VWF: variants seen among roughly 807,000 people sequenced by gnomAD.
VWF encodes Factor VIII related antigen.
VWF carries 176 observed loss-of-function variants against 308.6 expected under a neutral mutation model. The ratio of observed to expected loss-of-function variants is 0.57; its 90% CI spans 0.50 to 0.65. The LOEUF (loss-of-function observed/expected upper bound fraction) is 0.65, where lower values mean the gene tolerates loss of function less well. VWF is among the 30% of genes least tolerant of loss of function. VWF has a pLI of 0.00. For missense variants in VWF, 3,146 were observed against 3,648.2 expected (o/e 0.86, Z 3.55); for synonymous variants, 1,385 against 1,443.4 (o/e 0.96, Z 0.92).
At chr12:6,092,232 G>A (rs1200221599) in intron 6 of VWF, among the ~76,000 whole-genome samples, 2 of 152,118 alleles carry the variant, frequency 1.3e-5, no homozygotes, top group Non-Finnish European at 2.9e-5. Context: ...ATGATAGGAT[G>A]GGAGGTTGAA....
chr12:6,107,940 G>C (rs535315862), intron 5 of VWF, among the ~76,000 whole-genome samples: 86 of 151,890 alleles, frequency 5.7e-4, no homozygotes, highest in Non-Finnish European at 1.1e-3. Flanking sequence ...TGACAGGCTT[G>C]AGCCACCGCA....
rs142923882 is a variant in VWF, at chr12:5,991,705, G to C, written c.6798+114C>G. 8.4e-5 allele frequency: 97 copies of C among 1,149,810 alleles called. No individual in the cohort carries two copies. In the African/African-American group the frequency reaches 1.2e-3, roughly 15 times the overall value. 71.2% of individuals were successfully genotyped at this position (1,149,810 alleles called of 1,614,324 possible). A position where few individuals can be genotyped will look rare whatever the true frequency, so the allele number is the denominator to read the frequency against. On this transcript the variant is annotated intron_variant, in intron 38 of 51. Transcript: ENST00000261405. ...TGCCTCCCTATCCCTAATGATCCCC[G>C]TAAGAGTCAACCCTGCTGCCACAGT... is the stretch of plus-strand genomic sequence containing the variant.
Position 5,949,100 on chromosome 12 carries a change from A to G in VWF, c.8357T>C (p.Leu2786Pro). The stretch of plus-strand genomic sequence containing the variant: ...CACAACAGAGCCATTGGTGCAGTGC[A>G]GGGCCACCTGCATGGGCTCCGTCCG... ...PTRTEPMQVA[L>P]HCTNGSVVYH... is the part of the protein sequence containing the mutation. The change falls in exon 52 of 52, where the codon CTG becomes CCG. Residue 2786 changes from leucine (L) to proline (P), a missense_variant. Leu to Pro is a moderately conservative substitution (Grantham distance 98, BLOSUM62 -3). Coordinates refer to ENST00000261405, the MANE Select transcript of VWF (RefSeq NM_000552.5). 1.2e-6 allele frequency: 2 copies of G among 1,614,248 alleles called. No individual in the cohort carries two copies. The highest frequency in any genetic ancestry group is 1.7e-6 in the Non-Finnish European group (2 of 1,180,024).
At chr12:6,055,641 G>C (rs867233908) in intron 15 of VWF, among the ~76,000 whole-genome samples, 2 of 152,008 alleles carry the variant, frequency 1.3e-5, no homozygotes, top group Non-Finnish European at 2.9e-5. Context: ...ACCCAAAATA[G>C]TAGCACTTCT....
intron 35 of VWF, among the ~76,000 whole-genome samples, chr12:5,995,009 A>T (rs1943793663): frequency 6.6e-6 from 1 of 152,114 alleles, no homozygotes; most frequent in South Asian, 2.1e-4. Flanking sequence ...CTTTGAATGC[A>T]AGGACATTTT....
chr12:5,965,169 G>T (rs927115223), intron 47 of VWF, among the ~76,000 whole-genome samples: 14 of 152,178 alleles, frequency 9.2e-5, no homozygotes, highest in African/African-American at 3.4e-4. Flanking sequence ...CTTCTCAGGA[G>T]CAGCCTCTTC....
intron 5 of VWF, among the ~76,000 whole-genome samples, chr12:6,103,399 CGT>C (rs772056069): frequency 0.057 from 6,826 of 120,572 alleles, 1,165 homozygotes; most frequent in African/African-American, 0.25. Flanking sequence ...TGTGTATACA[CGT>C]GTGTGTATAC....
At chr12:6,100,290 G>A (rs2136506513) in intron 5 of VWF, among the ~76,000 whole-genome samples, 1 of 149,168 alleles carries the variant, frequency 6.7e-6, no homozygotes, top group African/African-American at 2.5e-5. Context: ...TTACACTGTT[G>A]GTGGGACTGT....
At chr12:5,960,178 A>C (rs560696554) in intron 47 of VWF, among the ~76,000 whole-genome samples, 2 of 151,380 alleles carry the variant, frequency 1.3e-5, no homozygotes, top group Admixed American at 6.6e-5. Flanking sequence ...GAAATAATAG[A>C]AGGTTTACAA....
intron 5 of VWF, among the ~76,000 whole-genome samples, chr12:6,103,611 GAGAT>G (rs1233895324): frequency 6.6e-6 from 1 of 150,918 alleles, no homozygotes; most frequent in Non-Finnish European, 1.5e-5. Flanking sequence ...TAGACACCCA[GAGAT>G]AGAGCCAGTT....
At position 6,024,126 on chromosome 12, in the gene VWF, T is replaced by C. The variant is rs897557852; in HGVS notation, c.3223-339A>G. ...TCCTCACAACCCACTCTTAGCCTCA[T>C]GAGCATGTGGGTGCTTTTACAAAAA... is the stretch of plus-strand genomic sequence containing the variant. On this transcript the variant is annotated intron_variant, in intron 24 of 51. Transcript: ENST00000261405. The surrounding 1 kb of genome is among the most constrained non-coding windows in gnomAD (Gnocchi z 4.0). 2.0e-5 allele frequency among the ~76,000 whole-genome samples: 3 copies of C among 152,220 alleles called. No homozygotes were observed. The highest frequency in any genetic ancestry group is 2.9e-5 in the Non-Finnish European group (2 of 68,044).
chr12:6,034,869 G>A, intron 19 of VWF, 43 bp from the exon 20 acceptor site: 1 of 1,610,690 alleles, frequency 6.2e-7, no homozygotes, highest in Non-Finnish European at 8.5e-7. Flanking sequence ...GGCACCTTGG[G>A]TTTGAGGGGC....
Position 6,011,662 on chromosome 12 carries a change from G to A in VWF, c.5797C>T (p.Pro1933Ser), listed in dbSNP as rs372572865. Residue 1933 changes from proline (P) to serine (S), a missense_variant, in exon 34 of 52, where the codon CCT (proline) becomes TCT (serine). Coordinates refer to ENST00000261405, the MANE Select transcript of VWF (RefSeq NM_000552.5). ...CCACAGGTCTCTTCCACTTTAACAG[G>A]GGACTGGCTGTTAGGGCACGAAGGC... ...LRPSCPNSQS[P>S]VKVEETCGCR... 6.2e-7 allele frequency: 1 copy of A among 1,613,396 alleles called. No homozygotes were observed. Among genetic ancestry groups the A allele is most frequent in the African/African-American group, 1.3e-5 (1 of 74,930 alleles).
chr12:6,063,334 C>G lies in VWF; in HGVS notation c.1433-280G>C, dbSNP rs1370464639. ...TGCCACAGGAGGGAGGCAGAGGCTC[C>G]TGCATCCTGGGCTGTAGGCAGGTGC... On this transcript the variant is annotated intron_variant, in intron 12 of 51. Coordinates refer to ENST00000261405, the MANE Select transcript of VWF (RefSeq NM_000552.5). This position sits in a 1 kb window ranked among gnomAD's most constrained non-coding sequence, Gnocchi z 4.9. 6.6e-6 allele frequency among the ~76,000 whole-genome samples: 1 copy of G among 152,162 alleles called. No homozygotes were observed. Among genetic ancestry groups the G allele is most frequent in the Non-Finnish European group, 1.5e-5 (1 of 68,024 alleles).
rs1279071719 is a variant in VWF, at chr12:6,123,206, A to C, written c.1-10T>G. On this transcript the variant is annotated splice_polypyrimidine_tract_variant and intron_variant, in intron 1 of 51. Transcript: ENST00000261405. ...ATCTGGCAGGAATCATCTGCAAAGA[A>C]GCAAGAGACGTGAGCTGGTCATTGC... 2 of 1,614,238 alleles carry C rather than the reference A, an allele frequency of 1.2e-6. No individual in the cohort carries two copies. Among genetic ancestry groups the C allele is most frequent in the Admixed American group, 3.3e-5 (2 of 60,032 alleles).
chr12:5,973,931 G>T (rs1392612810), intron 43 of VWF, among the ~76,000 whole-genome samples: 1 of 152,120 alleles, frequency 6.6e-6, no homozygotes, highest in Non-Finnish European at 1.5e-5. Context: ...ATCGCCTGAG[G>T]CCCGCTTAGA....
chr12:6,024,140 C>T lies in VWF; in HGVS notation c.3223-353G>A, dbSNP rs4021562. ...TCTTAGCCTCATGAGCATGTGGGTGCTTTTACAAAAACACAAACACACATA... is the reference window on the plus strand; with the variant it reads ...TCTTAGCCTCATGAGCATGTGGGTGTTTTTACAAAAACACAAACACACATA... On this transcript the variant is annotated intron_variant, in intron 24 of 51. Coordinates refer to ENST00000261405, the MANE Select transcript of VWF (RefSeq NM_000552.5). The surrounding 1 kb of genome is among the most constrained non-coding windows in gnomAD (Gnocchi z 4.0). Among the ~76,000 whole-genome samples the T allele has an allele frequency of 6.6e-6, 1 of 152,204 alleles. No individual in the cohort carries two copies.
intron 38 of VWF, among the ~76,000 whole-genome samples, chr12:5,989,962 A>C (rs751879498): frequency 1.6e-4 from 24 of 152,372 alleles, no homozygotes; most frequent in Non-Finnish European, 2.9e-4. Flanking sequence ...GCAGGAGCTC[A>C]GGAGCTATAC....
chr12:5,983,260 G>C lies in VWF; in HGVS notation c.6977-6C>G. 2 of 1,613,600 alleles carry C rather than the reference G, an allele frequency of 1.2e-6. No individual in the cohort carries two copies. The highest frequency in any genetic ancestry group is 2.2e-5 in the South Asian group (2 of 90,986). On this transcript the variant is annotated splice_polypyrimidine_tract_variant and splice_region_variant and intron_variant, in intron 40 of 51. Coordinates refer to ENST00000261405, the MANE Select transcript of VWF (RefSeq NM_000552.5). ...ACAGCTCACTGGGTCACACACTGAG[G>C]GCCAGAAAGAGAGACGTCCATGCAG... is the stretch of plus-strand genomic sequence containing the variant.
Sources: gnomAD v4.1 joint callset for allele counts (sites outside exome capture counted in the v4.1 genomes callset) on GRCh38, gnomAD v4.1.1 for gene constraint, Gnocchi (gnomAD v3.1) non-coding constraint, MANE v1.5 for transcripts, NCBI Gene and HGNC (gene_info 2026-07-23, HGNC 2026-07-21) for gene names.